Variants in FAM178B observed in about 807,000 individuals in gnomAD.
The protein encoded by FAM178B is family with sequence similarity 178 member B.
Under a neutral mutation model 91.7 loss-of-function variants are expected in FAM178B, and 82 were observed. That is an observed-to-expected ratio of 0.89 (90% CI 0.75 to 1.07). The LOEUF (loss-of-function observed/expected upper bound fraction) is 1.07, where lower values mean the gene tolerates loss of function less well. Ranked by LOEUF, FAM178B falls within the 50% of genes least tolerant of loss-of-function variation. The pLI, the probability that FAM178B is intolerant of heterozygous loss-of-function variation, is 0.00. For missense variants in FAM178B, 769 were observed against 846.7 expected, an observed-to-expected ratio of 0.91 and a Z score of 1.14; for synonymous variants, 368 against 359.4, an observed-to-expected ratio of 1.02 and a Z score of -0.27.
intron 8 of FAM178B, among the ~76,000 whole-genome samples, chr2:96,939,826 T>C (rs951291564): frequency 6.6e-6 from 1 of 152,246 alleles, no homozygotes; most frequent in African/African-American, 2.4e-5. Context: ...GTTGTGGTGA[T>C]TAAATGAGAT....
intron 1 of FAM178B, among the ~76,000 whole-genome samples, chr2:96,974,102 G>C (rs766778758): frequency 5.3e-5 from 8 of 151,832 alleles, no homozygotes; most frequent in Non-Finnish European, 1.2e-4. Context: ...CAGAAAAGGG[G>C]CTGGGCGCAG....
chr2:96,885,505 T>C (rs371341123), intron 14 of FAM178B, among the ~76,000 whole-genome samples: 2 of 152,324 alleles, frequency 1.3e-5, no homozygotes, highest in African/African-American at 4.8e-5. Flanking sequence ...GTGGAGGCCA[T>C]GGCGCATGGG....
At chr2:96,896,607 G>A (rs568552706) in intron 13 of FAM178B, among the ~76,000 whole-genome samples, 6 of 152,302 alleles carry the variant, frequency 3.9e-5, no homozygotes, top group Admixed American at 3.9e-4. Context: ...GCAGGGAAGA[G>A]GTGGTGGAGG....
intron 1 of FAM178B, among the ~76,000 whole-genome samples, chr2:96,984,564 G>C (rs901798973): frequency 6.6e-6 from 1 of 152,164 alleles, no homozygotes; most frequent in African/African-American, 2.4e-5. Context: ...TCTTGGGCCA[G>C]GGCTGCCTGC....
At chr2:96,895,887 G>C (rs2080813176) in intron 13 of FAM178B, among the ~76,000 whole-genome samples, 1 of 152,226 alleles carries the variant, frequency 6.6e-6, no homozygotes, top group Non-Finnish European at 1.5e-5. Flanking sequence ...AGAGCAGCTG[G>C]GCTGGGGGCT....
chr2:96,878,683 G>A (rs990272412), intron 14 of FAM178B, among the ~76,000 whole-genome samples, 190 bp from the exon 15 acceptor site: 5 of 152,192 alleles, frequency 3.3e-5, no homozygotes, highest in African/African-American at 7.2e-5. Flanking sequence ...CTCTGGGCTG[G>A]CACTCACTTG....
chr2:96,986,427 G>A lies in FAM178B; in HGVS notation c.-114C>T, dbSNP rs1007291336. 221 of 1,280,958 alleles carry A rather than the reference G, an allele frequency of 1.7e-4. No homozygotes were observed. The highest frequency in any genetic ancestry group is 1.8e-4 in the Non-Finnish European group (176 of 954,378). 79.3% of individuals were successfully genotyped at this position (1,280,958 alleles called of 1,614,324 possible). A position where few individuals can be genotyped will look rare whatever the true frequency, so the allele number is the denominator to read the frequency against. ...AGCAGGAGCAGGCTCCCCAGGCGGC[G>A]CAGTGGGAGGACCCCAAGAGTTGCG... On this transcript the variant is annotated 5_prime_UTR_variant, in exon 1 of 17. Transcript: ENST00000490605.
intron 13 of FAM178B, among the ~76,000 whole-genome samples, chr2:96,902,249 G>T (rs2080948568): frequency 6.6e-6 from 1 of 152,088 alleles, no homozygotes; most frequent in African/African-American, 2.4e-5. Flanking sequence ...GGGACTACAG[G>T]CACCCGCCAC....
intron 1 of FAM178B, among the ~76,000 whole-genome samples, chr2:96,976,905 C>T (rs1298263945): frequency 1.3e-5 from 2 of 150,736 alleles, no homozygotes; most frequent in Admixed American, 6.6e-5. Flanking sequence ...TAGAGAAACT[C>T]GATGTGGGCT....
intron 12 of FAM178B, among the ~76,000 whole-genome samples, chr2:96,915,724 G>A (rs2081230368): frequency 6.6e-6 from 1 of 151,794 alleles, no homozygotes; most frequent in Admixed American, 6.6e-5. Flanking sequence ...GCTGAGGCAG[G>A]AGAATCGCTT....
In FAM178B at chr2:96,921,639, C is replaced by G; in HGVS notation, c.1303G>C (p.Ala435Pro). The change falls in exon 11 of 17, where the codon GCC becomes CCC. Residue 435 changes from alanine to proline, a missense_variant. By Grantham distance (27) the Ala-to-Pro change is conservative (BLOSUM62 -1). Coordinates refer to ENST00000490605, the MANE Select transcript of FAM178B (RefSeq NM_001122646.3). ...GHIYKFLALC[A>P]QAQPGAYTDE... ...GTGTAGGCCCCCGGCTGGGCCTGGG[C>G]ACACAGCGCCAGAAACTGGAGAGAG... 2 of 1,551,460 alleles carry G rather than the reference C, an allele frequency of 1.3e-6. No homozygotes were observed. The highest frequency in any genetic ancestry group is 1.7e-6 in the Non-Finnish European group (2 of 1,146,986).
chr2:96,884,938 A>T (rs2080479497), intron 14 of FAM178B, among the ~76,000 whole-genome samples: 1 of 152,252 alleles, frequency 6.6e-6, no homozygotes, highest in Admixed American at 6.5e-5. Flanking sequence ...CCACTAGGAA[A>T]TGAGGCGGGT....
At chr2:96,893,474 C>T (rs573961441) in intron 14 of FAM178B, among the ~76,000 whole-genome samples, 2 of 152,216 alleles carry the variant, frequency 1.3e-5, no homozygotes, top group South Asian at 2.1e-4. Flanking sequence ...GACTCAGTGA[C>T]AACCACAGTG....
chr2:96,985,127 C>T (rs1479593650), intron 1 of FAM178B, among the ~76,000 whole-genome samples: 2 of 152,200 alleles, frequency 1.3e-5, no homozygotes, highest in African/African-American at 2.4e-5. Context: ...CCAGTGCCTA[C>T]AGTACGTGTC....
At chr2:96,959,717 T>C (rs1231382219) in intron 6 of FAM178B, among the ~76,000 whole-genome samples, 1 of 152,230 alleles carries the variant, frequency 6.6e-6, no homozygotes, top group Non-Finnish European at 1.5e-5. Flanking sequence ...TTCCAAGTGT[T>C]GGATAAGGTT....
intron 1 of FAM178B, among the ~76,000 whole-genome samples, chr2:96,981,747 A>AAAAAAG (rs781230957): frequency 0.22 from 26,762 of 123,098 alleles, 5,035 homozygotes; most frequent in African/African-American, 0.5. Flanking sequence ...TCTCAAAAAA[A>AAAAAAG]AAAAAAAAAA....
intron 13 of FAM178B, chr2:96,895,140 T>C (rs1378569932): frequency 1.6e-6 from 2 of 1,287,000 alleles, no homozygotes; most frequent in Non-Finnish European, 2.0e-6. Flanking sequence ...TCCCGCTCTT[T>C]TCCTTCCAGG....
chr2:96,929,159 T>C, intron 9 of FAM178B, 47 bp downstream of exon 9: 8 of 1,352,930 alleles, frequency 5.9e-6, no homozygotes, highest in Non-Finnish European at 8.3e-6. Flanking sequence ...ACCCTGTCTC[T>C]TAAAAAATAT....
In FAM178B at chr2:96,971,983, A is replaced by G; in HGVS notation, c.482T>C (p.Leu161Ser). Residue 161 changes from leucine to serine, a missense_variant, in exon 3 of 17, where the codon TTG (leucine) becomes TCG (serine). Physicochemically the swap from Leu to Ser is moderately radical, Grantham distance 145. Coordinates refer to ENST00000490605, the MANE Select transcript of FAM178B (RefSeq NM_001122646.3). ...CAAGGCCAGGCCCCTCTTCGGGTCC[A>G]AGTCCAGGTGTTCCTGCTCCAACTC... The part of the protein sequence containing the change: ...PEELEQEHLD[L>S]DPKRGLALPE... The G allele has an allele frequency of 6.4e-7, 1 of 1,562,760 alleles. No homozygotes were observed. Among genetic ancestry groups the G allele is most frequent in the East Asian group, 2.4e-5 (1 of 42,274 alleles).
Sources: gnomAD v4.1 joint callset for allele counts (sites outside exome capture counted in the v4.1 genomes callset) on GRCh38, gnomAD v4.1.1 for gene constraint, MANE v1.5 for transcripts, NCBI Gene and HGNC (gene_info 2026-07-23, HGNC 2026-07-21) for gene names.